The following JAKMIP2 variants were observed in gnomAD, a reference collection of about 807,000 sequenced individuals.
JAKMIP2 encodes janus kinase and microtubule-interacting protein 2.
Under a neutral mutation model 115.0 loss-of-function variants are expected in JAKMIP2, and 25 were observed. The ratio of observed to expected loss-of-function variants is 0.22; its 90% CI spans 0.16 to 0.30. The LOEUF (loss-of-function observed/expected upper bound fraction) is 0.30. JAKMIP2 is among the 10% of genes least tolerant of loss of function. The pLI, the probability that JAKMIP2 is intolerant of heterozygous loss-of-function variation, is 1.00. For synonymous variants in JAKMIP2, 334 were observed against 343.6 expected (o/e 0.97, Z 0.31); for missense variants, 642 against 957.6 (o/e 0.67, Z 4.35).
At chr5:147,661,578 G>T in intron 2 of JAKMIP2, 133 bp from the exon 3 acceptor site, 1 of 906,632 alleles carries the variant, frequency 1.1e-6, no homozygotes, top group Non-Finnish European at 1.7e-6. Context: ...GGCCCTCTGA[G>T]AAAAAAGAAC....
At chr5:147,748,736 T>C (rs1371232645) in intron 1 of JAKMIP2, among the ~76,000 whole-genome samples, 1 of 152,186 alleles carries the variant, frequency 6.6e-6, no homozygotes, top group East Asian at 1.9e-4. Context: ...GGGGTGGCCA[T>C]GCAAATGGCA....
At chr5:147,738,253 T>C (rs1357333693) in intron 1 of JAKMIP2, among the ~76,000 whole-genome samples, 1 of 152,066 alleles carries the variant, frequency 6.6e-6, no homozygotes, top group Non-Finnish European at 1.5e-5. Flanking sequence ...ATACTAAACA[T>C]ACTAGCTTTC....
In JAKMIP2 at chr5:147,663,003, A is replaced by AT. The variant is rs541057934; in HGVS notation, c.130-1559_130-1558insA. 8.5e-5 allele frequency among the ~76,000 whole-genome samples: 13 copies of AT among 152,136 alleles called. No homozygotes were observed. In the East Asian group the frequency reaches 2.3e-3, roughly 27 times the overall value. The stretch of plus-strand genomic sequence containing the variant: ...TCTGTCTCAAAAAAGAAGAAAAAAA[A>AT]AAGAAGAGAAAAGGAAGAAAATTGG... On this transcript the variant is annotated intron_variant, in intron 2 of 21. Transcript: ENST00000616793.
chr5:147,615,020 C>A (rs753757414), intron 19 of JAKMIP2, among the ~76,000 whole-genome samples: 5 of 152,168 alleles, frequency 3.3e-5, no homozygotes, highest in Non-Finnish European at 7.3e-5. Context: ...ACATTGTATA[C>A]GTTTCTGCAT....
chr5:147,600,052 A>G (rs763461953), intron 21 of JAKMIP2, among the ~76,000 whole-genome samples: 63 of 149,224 alleles, frequency 4.2e-4, no homozygotes, highest in Non-Finnish European at 8.3e-4. Flanking sequence ...TCTCTTACTG[A>G]AATTTATTTT....
rs549929007 is a variant in JAKMIP2, at chr5:147,780,552, A to G, written c.-149+1904T>C. Among the ~76,000 whole-genome samples the G allele has an allele frequency of 1.5e-3, 222 of 152,312 alleles. 1 individual carries two copies. Among genetic ancestry groups the G allele is most frequent in the Non-Finnish European group, 2.1e-3 (144 of 68,018 alleles). On this transcript the variant is annotated intron_variant, in intron 1 of 21. Coordinates refer to ENST00000616793, the MANE Select transcript of JAKMIP2 (RefSeq NM_001270941.2). ...TGTGTTATACAATTTGTTATAACATACAAGCCCAGTACCTCTTTCCTTGCC... is the reference window on the plus strand; with the variant it reads ...TGTGTTATACAATTTGTTATAACATGCAAGCCCAGTACCTCTTTCCTTGCC...
chr5:147,608,138 T>G (rs1756127104), intron 20 of JAKMIP2, among the ~76,000 whole-genome samples: 1 of 152,180 alleles, frequency 6.6e-6, no homozygotes, highest in Admixed American at 6.5e-5. Flanking sequence ...CTGGATTCAT[T>G]GATTTTTTGA....
chr5:147,715,984 T>A (rs1405961058), intron 1 of JAKMIP2, among the ~76,000 whole-genome samples: 1 of 106,504 alleles, frequency 9.4e-6, no homozygotes, highest in Non-Finnish European at 1.9e-5. Context: ...CCCAATGCTA[T>A]CCCTCCCCCC....
chr5:147,672,017 T>G (rs1306414147), intron 1 of JAKMIP2, 63 bp from the exon 2 acceptor site: 2 of 1,154,492 alleles, frequency 1.7e-6, no homozygotes, highest in Non-Finnish European at 2.2e-6. Flanking sequence ...TGCCAGTCAG[T>G]CTACTCTCAG....
At chr5:147,680,385 C>T (rs1458643437) in intron 1 of JAKMIP2, among the ~76,000 whole-genome samples, 3 of 152,196 alleles carry the variant, frequency 2.0e-5, no homozygotes, top group Non-Finnish European at 2.9e-5. Flanking sequence ...GGCTTTGTAG[C>T]TGGTTCTGCC....
At chr5:147,641,558 A>G in intron 8 of JAKMIP2, 150 bp downstream of exon 8, 1 of 572,662 alleles carries the variant, frequency 1.7e-6, no homozygotes, top group Admixed American at 3.5e-5. Context: ...TGTCAACAGA[A>G]AATATTTTCT....
chr5:147,610,304 T>G (rs1756247828), intron 20 of JAKMIP2, among the ~76,000 whole-genome samples: 1 of 152,244 alleles, frequency 6.6e-6, no homozygotes, highest in African/African-American at 2.4e-5. Flanking sequence ...GTGCTGGTTT[T>G]TCCTCATCTT....
intron 1 of JAKMIP2, among the ~76,000 whole-genome samples, chr5:147,707,295 G>A (rs1400412432): frequency 6.6e-6 from 1 of 151,968 alleles, no homozygotes; most frequent in Non-Finnish European, 1.5e-5. Flanking sequence ...CCAACTTAAC[G>A]TTACTTAATT....
At chr5:147,640,095 G>A (rs1464508440) in intron 9 of JAKMIP2, among the ~76,000 whole-genome samples, 1 of 152,184 alleles carries the variant, frequency 6.6e-6, no homozygotes, top group African/African-American at 2.4e-5. Context: ...TAAATTTGAG[G>A]AAATGATACC....
At chr5:147,622,534 T>A (rs898743358) in intron 17 of JAKMIP2, among the ~76,000 whole-genome samples, 1 of 152,258 alleles carries the variant, frequency 6.6e-6, no homozygotes, top group Non-Finnish European at 1.5e-5. Flanking sequence ...CTTATTTCAC[T>A]TAACGTAGTG....
intron 1 of JAKMIP2, among the ~76,000 whole-genome samples, chr5:147,684,737 G>T (rs1760486936): frequency 1.3e-5 from 2 of 152,078 alleles, no homozygotes; most frequent in Admixed American, 1.3e-4. Flanking sequence ...AAGAGAAGAG[G>T]CACGCTCTAT....
intron 1 of JAKMIP2, among the ~76,000 whole-genome samples, chr5:147,738,222 C>T (rs901651255): frequency 6.6e-6 from 1 of 152,062 alleles, no homozygotes; most frequent in Non-Finnish European, 1.5e-5. Context: ...CTTTAAGCTG[C>T]CATTTTAGTA....
At chr5:147,638,037 A>G (rs555331342) in intron 10 of JAKMIP2, among the ~76,000 whole-genome samples, 1 of 152,304 alleles carries the variant, frequency 6.6e-6, no homozygotes, top group African/African-American at 2.4e-5. Context: ...ATTTACCTCT[A>G]TCAGGTCCAA....
intron 20 of JAKMIP2, among the ~76,000 whole-genome samples, chr5:147,610,073 A>G (rs983589409): frequency 6.6e-6 from 1 of 152,126 alleles, no homozygotes; most frequent in Non-Finnish European, 1.5e-5. Context: ...CTAGTTAGCA[A>G]TTCCTCTAAC....
Sources: gnomAD v4.1 joint callset for allele counts (sites outside exome capture counted in the v4.1 genomes callset) on GRCh38, gnomAD v4.1.1 for gene constraint, MANE v1.5 for transcripts, NCBI Gene and HGNC (gene_info 2026-07-23, HGNC 2026-07-21) for gene names.